The following PRKCB variants were observed in gnomAD, a reference collection of about 807,000 sequenced individuals.
The protein encoded by PRKCB is protein kinase C beta, also known as protein kinase C beta type.
A neutral mutation model predicts 81.5 loss-of-function variants in PRKCB; 13 were observed. The observed-to-expected ratio is 0.16, with a 90% confidence interval of 0.10 to 0.25. PRKCB has a LOEUF of 0.25. Ranked by LOEUF, PRKCB falls within the 10% of genes least tolerant of loss-of-function variation. PRKCB has a pLI of 1.00. For synonymous variants in PRKCB, 335 were observed against 321.4 expected, an observed-to-expected ratio of 1.04 and a Z score of -0.45; for missense variants, 509 against 875.7, an observed-to-expected ratio of 0.58 and a Z score of 5.29.
chr16:24,121,100 T>C (rs1227820087), intron 8 of PRKCB, among the ~76,000 whole-genome samples: 4 of 152,240 alleles, frequency 2.6e-5, no homozygotes, highest in Non-Finnish European at 4.4e-5. Context: ...GTCTGCCTCC[T>C]GTGCCATATC....
intron 16 of PRKCB, 93 bp from the exon 17 acceptor site, chr16:24,214,565 G>A (rs1384964282): frequency 1.5e-5 from 15 of 1,014,118 alleles, no homozygotes; most frequent in Non-Finnish European, 1.9e-5. Flanking sequence ...ATGGAGAAAA[G>A]CACACCCAAT....
intron 2 of PRKCB, among the ~76,000 whole-genome samples, chr16:23,875,219 A>G (rs1057202996): frequency 6.6e-6 from 1 of 151,694 alleles, no homozygotes; most frequent in Non-Finnish European, 1.5e-5. Context: ...TTTGAATTTT[A>G]GTAGAGATGA....
chr16:23,842,952 T>C (rs981357805), intron 2 of PRKCB, among the ~76,000 whole-genome samples: 14 of 152,190 alleles, frequency 9.2e-5, no homozygotes, highest in Non-Finnish European at 1.9e-4. Flanking sequence ...CCCATGTAGA[T>C]TAGAAAACAG....
intron 9 of PRKCB, among the ~76,000 whole-genome samples, chr16:24,138,557 A>T (rs1421893427): frequency 6.6e-6 from 1 of 151,380 alleles, no homozygotes; most frequent in African/African-American, 2.4e-5. Flanking sequence ...TTATTTATGT[A>T]TTTTTTTTTG....
chr16:24,203,369 A>C (rs540679271), intron 16 of PRKCB: 1 of 152,220 alleles, frequency 6.6e-6, no homozygotes, highest in African/African-American at 2.4e-5. Context: ...GCTGCATAGT[A>C]ACCTGATAGA....
At chr16:23,968,471 C>T (rs192919923) in intron 2 of PRKCB, among the ~76,000 whole-genome samples, 13 of 152,284 alleles carry the variant, frequency 8.5e-5, no homozygotes, top group African/African-American at 3.1e-4. Flanking sequence ...GCATCGCCAG[C>T]AGGAACCATG....
intron 2 of PRKCB, among the ~76,000 whole-genome samples, chr16:23,964,090 G>A (rs978720718): frequency 1.3e-5 from 2 of 152,250 alleles, no homozygotes; most frequent in Non-Finnish European, 2.9e-5. Context: ...CACTAGCCAT[G>A]TGTGCCTACT....
At position 24,061,067 on chromosome 16, in the gene PRKCB, CT is replaced by C. The variant is rs796078813; in HGVS notation, c.529+25531del. ...TAGGTGCTTGTTAATAATTTTTAAT[CT>C]TTTTTTTTTTGAGACAGGGTCTTGC... is the stretch of plus-strand genomic sequence containing the variant. On this transcript the variant is annotated intron_variant, in intron 5 of 16. Coordinates refer to ENST00000643927, the MANE Select transcript of PRKCB (RefSeq NM_002738.7). Among the ~76,000 whole-genome samples, 250 of 146,836 alleles carry C rather than the reference CT, an allele frequency of 1.7e-3. 1 individual carries two copies. The highest frequency in any genetic ancestry group is 4.1e-3 in the African/African-American group (165 of 40,360).
At chr16:24,017,732 T>C (rs1397004643) in intron 3 of PRKCB, among the ~76,000 whole-genome samples, 2 of 152,068 alleles carry the variant, frequency 1.3e-5, no homozygotes, top group South Asian at 2.1e-4. Context: ...TCTTCTTTTT[T>C]TGTTTGTTTG....
chr16:24,001,876 T>C (rs1965038551), intron 3 of PRKCB, among the ~76,000 whole-genome samples: 1 of 151,868 alleles, frequency 6.6e-6, no homozygotes, highest in African/African-American at 2.4e-5. Context: ...ACATTGGGAG[T>C]AGAGTAAGAG....
At chr16:24,211,052 C>CCT (rs58269575) in intron 16 of PRKCB, among the ~76,000 whole-genome samples, 17,967 of 152,054 alleles carry the variant, frequency 0.12, 1,714 homozygotes, top group African/African-American at 0.25. Flanking sequence ...GTGAGTTTAC[C>CCT]GAGGGGTCAT....
At chr16:24,011,177 T>C (rs1177915197) in intron 3 of PRKCB, among the ~76,000 whole-genome samples, 1 of 150,026 alleles carries the variant, frequency 6.7e-6, no homozygotes, top group South Asian at 2.1e-4. Flanking sequence ...CACCACTCTA[T>C]TTTTTTTTAA....
At chr16:23,987,492 C>T (rs1267625531) in intron 2 of PRKCB, among the ~76,000 whole-genome samples, 4 of 152,050 alleles carry the variant, frequency 2.6e-5, no homozygotes, top group African/African-American at 4.8e-5. Context: ...GTATTTGCAT[C>T]AAGAGACTTG....
intron 3 of PRKCB, among the ~76,000 whole-genome samples, chr16:23,999,661 C>G (rs1965006511): frequency 6.6e-6 from 1 of 152,294 alleles, no homozygotes; most frequent in South Asian, 2.1e-4. Context: ...TTAGAGAGAC[C>G]AGGTCTCTGG....
intron 3 of PRKCB, among the ~76,000 whole-genome samples, chr16:24,025,257 A>C (rs969763817): frequency 3.9e-5 from 6 of 152,220 alleles, no homozygotes; most frequent in African/African-American, 1.4e-4. Flanking sequence ...TACAGCTGTC[A>C]CAACAACCCA....
At chr16:24,154,573 A>AAC (rs1967126911) in intron 9 of PRKCB, 111 bp from the exon 10 acceptor site, 1 of 1,001,164 alleles carries the variant, frequency 1.0e-6, no homozygotes, top group Non-Finnish European at 1.5e-6. Flanking sequence ...TTTCAGAGTC[A>AAC]ACAGAAGGCA....
At chr16:23,894,532 C>T (rs1314068699) in intron 2 of PRKCB, among the ~76,000 whole-genome samples, 2 of 152,072 alleles carry the variant, frequency 1.3e-5, no homozygotes, top group Non-Finnish European at 2.9e-5. Context: ...AATATTATTG[C>T]TTTTGAAGAG....
Position 23,986,779 on chromosome 16 carries a change from A to T in PRKCB, c.206-1729A>T, listed in dbSNP as rs77868567. Among the ~76,000 whole-genome samples, 942 of 152,302 alleles carry T rather than the reference A, an allele frequency of 6.2e-3. 2 individuals are homozygous for T. Among genetic ancestry groups the T allele is most frequent in the African/African-American group, 0.011 (475 of 41,564 alleles). ...ATTATGGAAAAAATTAAACATATAT[A>T]AAAGTAACATTAGTATAATGCATCC... is the stretch of plus-strand genomic sequence containing the variant. On this transcript the variant is annotated intron_variant, in intron 2 of 16. Transcript: ENST00000643927.
intron 3 of PRKCB, among the ~76,000 whole-genome samples, chr16:23,998,007 A>G (rs1335123562): frequency 6.6e-6 from 1 of 152,170 alleles, no homozygotes; most frequent in Non-Finnish European, 1.5e-5. Flanking sequence ...GTTTTCAAGA[A>G]ATTATCATTT....
Sources: gnomAD v4.1 joint callset for allele counts (sites outside exome capture counted in the v4.1 genomes callset) on GRCh38, gnomAD v4.1.1 for gene constraint, MANE v1.5 for transcripts, NCBI Gene and HGNC (gene_info 2026-07-23, HGNC 2026-07-21) for gene names.